Variants in CPSF1 observed in about 807,000 individuals in gnomAD.
CPSF1 encodes cleavage and polyadenylation specificity factor subunit 1.
Under a neutral mutation model 175.8 loss-of-function variants are expected in CPSF1, and 106 were observed. The ratio of observed to expected loss-of-function variants is 0.60; its 90% CI spans 0.52 to 0.71. The LOEUF (loss-of-function observed/expected upper bound fraction) is 0.71, where lower values mean the gene tolerates loss of function less well. Among genes scored for constraint, CPSF1 ranks in the 30% least tolerant of loss-of-function variants. The pLI is 0.00. For missense variants in CPSF1, 1,734 were observed against 2,022.9 expected (o/e 0.86, Z 2.74); for synonymous variants, 1,024 against 858.3 (o/e 1.19, Z -3.37).
At position 144,400,046 on chromosome 8, in the gene CPSF1, T is replaced by G. The variant is rs1821072439; in HGVS notation, c.977A>C (p.Gln326Pro). The stretch of plus-strand genomic sequence containing the variant: ...CTTGTCGTAGGAGATGAAGGTGGCC[T>G]GGGCGCAGTCCAGGGTGATCCGCAC... Reference protein sequence around the residue: ...EGVRITLDCAQATFISYDKMV... With the variant: ...EGVRITLDCAPATFISYDKMV... Residue 326 changes from glutamine to proline, a missense_variant, in exon 10 of 38, where the codon CAG becomes CCG. Gln to Pro is a moderately conservative substitution (Grantham distance 76). Transcript: ENST00000616140. 2.5e-6 allele frequency: 4 copies of G among 1,606,192 alleles called. No individual in the cohort carries two copies. The African/African-American group carries it at 5.4e-5, about 22-fold the overall frequency.
intron 17 of CPSF1, 39 bp from the exon 18 acceptor site, chr8:144,398,677 C>T (rs1554865116): frequency 3.7e-6 from 6 of 1,609,086 alleles, no homozygotes; most frequent in South Asian, 1.1e-5. Context: ...AAGCCACAGT[C>T]CAGTGAAGGC....
At position 144,394,011 on chromosome 8, in the gene CPSF1, A is replaced by T. The variant is rs782669321; in HGVS notation, c.3887T>A (p.Leu1296Gln). The change falls in exon 35 of 38, where the codon CTG (leucine) becomes CAG (glutamine). Residue 1296 changes from leucine to glutamine, a missense_variant. By Grantham distance (113) the Leu-to-Gln change is moderately radical. Coordinates refer to ENST00000616140, the MANE Select transcript of CPSF1 (RefSeq NM_013291.3). Reference sequence around the variant, plus strand: ...CACGTGGAAGTCTGCCCGACGCAGCAGGCGCATGCCCCCGAAACTCTCCTT... The same window carrying T: ...CACGTGGAAGTCTGCCCGACGCAGCTGGCGCATGCCCCCGAAACTCTCCTT... ...EAKESFGGMR[L>Q]LRRADFHVGA... 6.2e-7 allele frequency: 1 copy of T among 1,612,758 alleles called. No homozygotes were observed. The highest frequency in any genetic ancestry group is 1.7e-5 in the Admixed American group (1 of 59,984).
In CPSF1 at chr8:144,395,014, C is replaced by T. The variant is rs371248463; in HGVS notation, c.3282G>A (p.Leu1094=). ...TGCAGGTCACATGCTCCCACTCCTG[C>T]AGCTCGATCCTGTGGGGGCCAGGGG... ...WEAIPNARIE[L]QEWEHVTCMK... is the part of the protein sequence containing the mutation. The change falls in exon 30 of 38, where the codon CTG becomes CTA. Residue 1094 remains leucine (L), a synonymous_variant. Transcript: ENST00000616140. 1.8e-5 allele frequency: 29 copies of T among 1,609,286 alleles called. No individual in the cohort carries two copies. The highest frequency in any genetic ancestry group is 2.0e-5 in the Non-Finnish European group (24 of 1,177,240).
Position 144,409,291 on chromosome 8 carries a change from G to A in CPSF1, c.-17C>T. On this transcript the variant is annotated splice_region_variant and 5_prime_UTR_variant, in exon 1 of 38. Transcript: ENST00000616140. ...CGGCCGCCCGCCCGGCCGCCCACCT[G>A]GCAGTTGGAGCCGACTCGAGAGGAA... 2.5e-6 allele frequency: 2 copies of A among 790,458 alleles called. No individual in the cohort carries two copies. Among genetic ancestry groups the A allele is most frequent in the Non-Finnish European group, 3.3e-6 (2 of 599,396 alleles). The allele number at this position is 790,458 out of a possible 1,614,324, so 49.0% of individuals were successfully genotyped here.
rs782208247 is a variant in CPSF1 at position 144,397,789 on chromosome 8, C to A, written c.2164G>T (p.Gly722Trp). 1 of 1,608,686 alleles carries A rather than the reference C, an allele frequency of 6.2e-7. No homozygotes were observed. Among genetic ancestry groups the A allele is most frequent in the Non-Finnish European group, 8.5e-7 (1 of 1,178,408 alleles). ...TCGGCCTCCGGGCCACTGCGGCCCC[C>A]GAGCTCGTCACGGGCCCCACCCAGG... ...SRLGGARDELGGRSGPEAEGL... is the reference protein window; with the variant it reads ...SRLGGARDELWGRSGPEAEGL... The change falls in exon 21 of 38, where the codon GGG becomes TGG. Residue 722 changes from glycine (G) to tryptophan (W), a missense_variant. This residue lies in a region of CPSF1 where 585 missense variants were observed against 584.7 expected (regional missense o/e 1.00). Coordinates refer to ENST00000616140, the MANE Select transcript of CPSF1 (RefSeq NM_013291.3).
chr8:144,408,144 T>G (rs2116910356), intron 2 of CPSF1, among the ~76,000 whole-genome samples: 1 of 152,188 alleles, frequency 6.6e-6, no homozygotes, highest in Non-Finnish European at 1.5e-5. Flanking sequence ...AACCCTCTTG[T>G]GGCTCCTCCC....
intron 2 of CPSF1, 141 bp from the exon 3 acceptor site, chr8:144,401,814 T>C: frequency 1.1e-6 from 1 of 883,256 alleles, no homozygotes; most frequent in East Asian, 2.7e-5. Flanking sequence ...GGAGAAGGGC[T>C]TCTGGAGACA....
At chr8:144,400,136 C>CCCCCCCCCCCCCCCCCCCCCCCCCCCCCA in intron 9 of CPSF1, 30 bp downstream of exon 9, 1 of 995,124 alleles carries the variant, frequency 1.0e-6, no homozygotes, top group East Asian at 3.0e-5. Flanking sequence ...CGTCCCCGGG[C>CCCCCCCCCCCCCCCCCCCCCCCCCCCCCA]CCCCCCCGCC....
At position 144,400,499 on chromosome 8, in the gene CPSF1, G is replaced by C. The variant is rs2116875593; in HGVS notation, c.687-6C>G. On this transcript the variant is annotated splice_region_variant and splice_polypyrimidine_tract_variant and intron_variant, in intron 7 of 37. Coordinates refer to ENST00000616140, the MANE Select transcript of CPSF1 (RefSeq NM_013291.3). ...CCTGCCGCACGGCCACGCGCCTGGGGACGCCAGTGGGTCAGCCAAGGGCCT... is the reference window on the plus strand; with the variant it reads ...CCTGCCGCACGGCCACGCGCCTGGGCACGCCAGTGGGTCAGCCAAGGGCCT... The C allele has an allele frequency of 3.1e-6, 5 of 1,612,250 alleles. No homozygotes were observed. The highest frequency in any genetic ancestry group is 4.2e-6 in the Non-Finnish European group (5 of 1,179,900).
chr8:144,402,135 C>A (rs200792959), intron 2 of CPSF1, among the ~76,000 whole-genome samples: 7 of 146,494 alleles, frequency 4.8e-5, no homozygotes, highest in Admixed American at 2.8e-4. Flanking sequence ...GCTATCCTGA[C>A]GCCTCGGGCT....
chr8:144,402,547 C>T (rs2116891927), intron 2 of CPSF1, among the ~76,000 whole-genome samples: 1 of 152,064 alleles, frequency 6.6e-6, no homozygotes, highest in East Asian at 1.9e-4. Flanking sequence ...TCAGGTGATC[C>T]GCCCACCTTA....
Position 144,393,804 on chromosome 8 carries a change from G to A in CPSF1, c.4016-8C>T. 1 of 1,600,552 alleles carries A rather than the reference G, an allele frequency of 6.2e-7. No individual in the cohort carries two copies. Among genetic ancestry groups the A allele is most frequent in the Non-Finnish European group, 8.5e-7 (1 of 1,178,546 alleles). On this transcript the variant is annotated splice_region_variant and splice_polypyrimidine_tract_variant and intron_variant, in intron 35 of 37. Transcript: ENST00000616140. The stretch of plus-strand genomic sequence containing the variant: ...TGCCGCCGTCCAGGGTGGCTGGCAG[G>A]GGTAGGGTGAGGGTTTTGGTGTGAG...
chr8:144,400,135 G>GGCCCCCCCCCCCCCCCCCCCCCCCC, intron 9 of CPSF1, 31 bp downstream of exon 9: 35 of 895,958 alleles, frequency 3.9e-5, no homozygotes, highest in Non-Finnish European at 5.1e-5. Context: ...CCGTCCCCGG[G>GGCCCCCCCCCCCCCCCCCCCCCCCC]CCCCCCCCGC....
rs782361727 is a variant in CPSF1, at chr8:144,396,630, G to A, written c.2794C>T (p.Arg932Cys). 16 of 1,613,610 alleles carry A rather than the reference G, an allele frequency of 9.9e-6. No individual in the cohort carries two copies. Among genetic ancestry groups the A allele is most frequent in the Middle Eastern group, 1.6e-4 (1 of 6,062 alleles). The stretch of plus-strand genomic sequence containing the variant: ...TAGCCATAAATATCCTCGAAGTAGC[G>A]GAAACGCGCCACGCGGCCCCGGGCC... ...AGARGRVARF[R>C]YFEDIYGYSG... Residue 932 changes from arginine to cysteine, a missense_variant, in exon 25 of 38, where the codon CGC becomes TGC. Arg to Cys is a radical substitution (Grantham distance 180). This residue lies in a region of CPSF1 where 585 missense variants were observed against 584.7 expected (regional missense o/e 1.00). Coordinates refer to ENST00000616140, the MANE Select transcript of CPSF1 (RefSeq NM_013291.3).
Position 144,395,151 on chromosome 8 carries a change from G to C in CPSF1, c.3219C>G (p.Ala1073=). 1 of 1,612,738 alleles carries C rather than the reference G, an allele frequency of 6.2e-7. No individual in the cohort carries two copies. ...CCGGGGAGATGAGCTGGATGGAGAAGGCCTCCTGCTGGGGGTGGATGTACC... is the reference window on the plus strand; with the variant it reads ...CCGGGGAGATGAGCTGGATGGAGAACGCCTCCTGCTGGGGGTGGATGTACC... ...DERYIHPQQE[A]FSIQLISPVS... The change falls in exon 29 of 38, where the codon GCC becomes GCG. Residue 1073 remains alanine (A), a synonymous_variant. Transcript: ENST00000616140.
chr8:144,398,654 G>A lies in CPSF1; in HGVS notation c.1639-16C>T, dbSNP rs2116853240. ...GATTGTCCTCCTGTCAGGGCCAAAG[G>A]GGGGCAGGCTGGAAGCCACAGTCCA... On this transcript the variant is annotated splice_polypyrimidine_tract_variant and intron_variant, in intron 17 of 37. Coordinates refer to ENST00000616140, the MANE Select transcript of CPSF1 (RefSeq NM_013291.3). The A allele has an allele frequency of 6.2e-6, 10 of 1,613,020 alleles. No homozygotes were observed. The highest frequency in any genetic ancestry group is 1.6e-4 in the Middle Eastern group (1 of 6,080).
At chr8:144,394,582 G>GCGCGGA in intron 31 of CPSF1, 27 bp from the exon 32 acceptor site, 1 of 1,604,436 alleles carries the variant, frequency 6.2e-7, no homozygotes, top group Non-Finnish European at 8.5e-7. Flanking sequence ...GGGTGAGCGG[G>GCGCGGA]CGCGGACGGG....
rs2116909605 is a variant in CPSF1 at position 144,407,870 on chromosome 8, G to A, written c.144+1145C>T. 2.0e-4 allele frequency among the ~76,000 whole-genome samples: 30 copies of A among 152,246 alleles called. No individual in the cohort carries two copies. The East Asian group carries it at 4.3e-3, about 22-fold the overall frequency. On this transcript the variant is annotated intron_variant, in intron 2 of 37. Coordinates refer to ENST00000616140, the MANE Select transcript of CPSF1 (RefSeq NM_013291.3). ...CTGAGATTCGGTTACAGGACTCGCC[G>A]TGGCTTCAGTCTTGGTGGGTGTCTC... is the stretch of plus-strand genomic sequence containing the variant.
At position 144,399,821 on chromosome 8, in the gene CPSF1, A is replaced by T; in HGVS notation, c.1079T>A (p.Phe360Tyr). 6.4e-7 allele frequency: 1 copy of T among 1,557,838 alleles called. No homozygotes were observed. Among genetic ancestry groups the T allele is most frequent in the Non-Finnish European group, 8.7e-7 (1 of 1,151,216 alleles). Residue 360 changes from phenylalanine (F) to tyrosine (Y), a missense_variant, in exon 11 of 38, where the codon TTC (phenylalanine) becomes TAC (tyrosine). Physicochemically the swap from Phe to Tyr is conservative, Grantham distance 22. Around this residue, in one of 10 missense-constraint regions of CPSF1, gnomAD observed 162 missense variants for 169.5 expected, o/e 0.96. Coordinates refer to ENST00000616140, the MANE Select transcript of CPSF1 (RefSeq NM_013291.3). The surrounding 1 kb of genome is among the most constrained non-coding windows in gnomAD (Gnocchi z 6.4). ...ITDGMRSVRA[F>Y]HFDKAAASVL... The stretch of plus-strand genomic sequence containing the variant: ...GCTGGCGGCCGCCTTGTCAAAGTGG[A>T]ACGCTCGGACACTGCGCATGCCGTC...
Sources: allele counts gnomAD v4.1 joint callset (sites outside exome capture counted in the v4.1 genomes callset), GRCh38; gene constraint gnomAD v4.1.1; regional missense constraint gnomAD v4.1.1; non-coding constraint Gnocchi (gnomAD v3.1); transcripts MANE v1.5; gene names NCBI Gene and HGNC (gene_info 2026-07-23, HGNC 2026-07-21).